The following WSCD1 variants were observed in gnomAD, a reference collection of about 807,000 sequenced individuals.
WSCD1 encodes WSC domain sialate O sulfotransferase 1.
A neutral mutation model predicts 60.4 loss-of-function variants in WSCD1; 41 were observed. The ratio of observed to expected loss-of-function variants is 0.68; its 90% CI spans 0.53 to 0.88. WSCD1 has a LOEUF of 0.88. Ranked by LOEUF, WSCD1 falls within the 40% of genes least tolerant of loss-of-function variation. The pLI, the probability that WSCD1 is intolerant of heterozygous loss-of-function variation, is 0.00. For missense variants in WSCD1, 784 were observed against 796.2 expected (o/e 0.98, Z 0.18); for synonymous variants, 361 against 332.5 (o/e 1.09, Z -0.93).
chr17:6,120,394 G>A lies in WSCD1; in HGVS notation c.1461G>A (p.Val487=). ...DWLKYGKRLL[V]VHYEELRRSL... is the part of the protein sequence containing the mutation. ...TCAAGTACGGGAAGCGGCTGCTGGTGGTGCACTACGAGGAGCTGCGGCGCA... is the reference window on the plus strand; with the variant it reads ...TCAAGTACGGGAAGCGGCTGCTGGTAGTGCACTACGAGGAGCTGCGGCGCA... Residue 487 remains valine, a synonymous_variant, in exon 9 of 9, where the codon GTG becomes GTA. Coordinates refer to ENST00000317744, the MANE Select transcript of WSCD1 (RefSeq NM_015253.2). 6.2e-7 allele frequency: 1 copy of A among 1,614,038 alleles called. No individual in the cohort carries two copies.
At chr17:6,088,305 G>C (rs1360437876) in intron 3 of WSCD1, among the ~76,000 whole-genome samples, 1 of 151,852 alleles carries the variant, frequency 6.6e-6, no homozygotes, top group African/African-American at 2.4e-5. Flanking sequence ...TGATGGCCTG[G>C]GTGCTGAGAG....
At chr17:6,105,183 T>A (rs1159630059) in intron 5 of WSCD1, among the ~76,000 whole-genome samples, 2 of 152,028 alleles carry the variant, frequency 1.3e-5, no homozygotes, top group African/African-American at 4.8e-5. Context: ...CACCCATACC[T>A]CAGCCCAGCC....
At chr17:6,086,970 G>A (rs973748087) in intron 2 of WSCD1, among the ~76,000 whole-genome samples, 19 of 152,188 alleles carry the variant, frequency 1.2e-4, no homozygotes, top group African/African-American at 3.4e-4. Flanking sequence ...GCAGTGGTGC[G>A]CTCCCCAGGT....
chr17:6,081,067 C>A lies in WSCD1; in HGVS notation c.409C>A (p.Pro137Thr). Residue 137 changes from proline (P) to threonine (T), a missense_variant, in exon 2 of 9, where the codon CCC becomes ACC. Pro to Thr is a conservative substitution (Grantham distance 38). Transcript: ENST00000317744. ...CGCCCTGGGCCCCGAGGCTGCCAGG[C>A]CCGCCATCCACAGCCGAGGTAGGCG... is the stretch of plus-strand genomic sequence containing the variant. Reference protein sequence around the residue: ...PPALGPEAARPAIHSRGTYIG... With the variant: ...PPALGPEAARTAIHSRGTYIG... 1 of 1,539,054 alleles carries A rather than the reference C, an allele frequency of 6.5e-7. No individual in the cohort carries two copies. Among genetic ancestry groups the A allele is most frequent in the Non-Finnish European group, 8.7e-7 (1 of 1,144,518 alleles).
At chr17:6,087,163 T>C (rs1567552210) in intron 2 of WSCD1, among the ~76,000 whole-genome samples, 1 of 152,220 alleles carries the variant, frequency 6.6e-6, no homozygotes, top group Non-Finnish European at 1.5e-5. Context: ...GACATTTACA[T>C]GCCTACCCGC....
chr17:6,111,824 A>C (rs529645391), intron 7 of WSCD1, among the ~76,000 whole-genome samples: 2 of 152,318 alleles, frequency 1.3e-5, no homozygotes, highest in East Asian at 3.9e-4. Context: ...GTAATTTAAA[A>C]TAATGATTTT....
At chr17:6,090,243 G>A in intron 3 of WSCD1, 78 bp from the exon 4 acceptor site, 2 of 1,386,986 alleles carry the variant, frequency 1.4e-6, no homozygotes, top group Non-Finnish European at 1.9e-6. Flanking sequence ...TCTACATCAA[G>A]CTGAAACAGT....
rs1474130753 is a variant in WSCD1, at chr17:6,123,410, G to A, written c.*2749G>A. The A allele has an allele frequency of 1.3e-5, 2 of 152,058 alleles. No individual in the cohort carries two copies. Among genetic ancestry groups the A allele is most frequent in the Non-Finnish European group, 2.9e-5 (2 of 68,018 alleles). The allele number at this position is 152,058 out of a possible 1,614,324, so 9.4% of individuals were successfully genotyped here. A position where few individuals can be genotyped will look rare whatever the true frequency, so the allele number is the denominator to read the frequency against. ...CCAGTGATGTGTAAATGAGAGAGAA[G>A]AATAGACAGGCTTCCAAACCCTGGG... On this transcript the variant is annotated 3_prime_UTR_variant, in exon 9 of 9. Coordinates refer to ENST00000317744, the MANE Select transcript of WSCD1 (RefSeq NM_015253.2).
Position 6,118,354 on chromosome 17 carries a change from TG to T in WSCD1, c.1375+169del, listed in dbSNP as rs1329063269. Among the ~76,000 whole-genome samples the T allele has an allele frequency of 6.6e-6, 1 of 152,190 alleles. No homozygotes were observed. Among genetic ancestry groups the T allele is most frequent in the Non-Finnish European group, 1.5e-5 (1 of 68,044 alleles). ...GCTAGGGACTTAGTGCTGCTGTGCC[TG>T]GGCTTGAGTTCACCTCCTCCCCTTG... On this transcript the variant is annotated intron_variant, in intron 8 of 8. Coordinates refer to ENST00000317744, the MANE Select transcript of WSCD1 (RefSeq NM_015253.2). This position sits in a 1 kb window ranked among gnomAD's most constrained non-coding sequence, Gnocchi z 5.8.
chr17:6,118,329 G>C lies in WSCD1; in HGVS notation c.1375+141G>C, dbSNP rs1319558097. Reference sequence around the variant, plus strand: ...CAGGTAGGCACTCAAACCCCATCCTGCTAGGGACTTAGTGCTGCTGTGCCT... The same window carrying C: ...CAGGTAGGCACTCAAACCCCATCCTCCTAGGGACTTAGTGCTGCTGTGCCT... On this transcript the variant is annotated intron_variant, in intron 8 of 8. Transcript: ENST00000317744. The surrounding 1 kb of genome is among the most constrained non-coding windows in gnomAD (Gnocchi z 5.8). 9 of 898,646 alleles carry C rather than the reference G, an allele frequency of 1.0e-5. No individual in the cohort carries two copies. The highest frequency in any genetic ancestry group is 1.5e-5 in the Non-Finnish European group (9 of 592,880). 55.7% of individuals were successfully genotyped at this position (898,646 alleles called of 1,614,324 possible).
At chr17:6,093,919 C>T (rs1053944352) in intron 4 of WSCD1, among the ~76,000 whole-genome samples, 15 of 152,294 alleles carry the variant, frequency 9.8e-5, no homozygotes, top group Middle Eastern at 3.4e-3. Flanking sequence ...CCTAATAGGT[C>T]GTGCCCTGAC....
At chr17:6,069,214 AC>A (rs1352693937), upstream of WSCD1, 1 of 398,652 alleles carries the variant, frequency 2.5e-6, no homozygotes, top group Admixed American at 4.4e-5. Flanking sequence ...CCGGGTGAGG[AC>A]AGGGTCCACC....
At chr17:6,120,106 A>C (rs1904565324) in intron 8 of WSCD1, among the ~76,000 whole-genome samples, 1 of 152,216 alleles carries the variant, frequency 6.6e-6, no homozygotes. Flanking sequence ...TCATCCCACC[A>C]GGATGCCCAG....
chr17:6,109,038 C>T (rs1933297997), intron 5 of WSCD1, among the ~76,000 whole-genome samples: 1 of 152,212 alleles, frequency 6.6e-6, no homozygotes, highest in South Asian at 2.1e-4. Context: ...TGGTTTTAGT[C>T]TCTTTCCAGG....
rs141183411 is a variant in WSCD1, at chr17:6,115,330, C to T, written c.1175-2658C>T. Among the ~76,000 whole-genome samples the T allele has an allele frequency of 2.9e-4, 44 of 152,312 alleles. No homozygotes were observed. In the East Asian group the frequency reaches 4.2e-3, roughly 15 times the overall value. On this transcript the variant is annotated intron_variant, in intron 7 of 8. Transcript: ENST00000317744. The stretch of plus-strand genomic sequence containing the variant: ...AGGGGTGAAACTGATTTAATCTGCT[C>T]ATTCCTTTTTTGAGGCAAGAACTAG...
At chr17:6,111,555 G>A (rs1295036157) in intron 7 of WSCD1, among the ~76,000 whole-genome samples, 2 of 152,014 alleles carry the variant, frequency 1.3e-5, no homozygotes, top group African/African-American at 4.8e-5. Context: ...ACAAAAATTA[G>A]CTGGGCGCGG....
Position 6,121,766 on chromosome 17 carries a change from C to CATGAG in WSCD1, c.*1106_*1107insTGAGA, listed in dbSNP as rs146327087. 0.71 allele frequency: 108,343 copies of CATGAG among 151,750 alleles called. 38,866 individuals are homozygous for CATGAG. Among genetic ancestry groups the CATGAG allele is most frequent in the Middle Eastern group, 0.82 (240 of 294 alleles). The allele number at this position is 151,750 out of a possible 1,614,324, so 9.4% of individuals were successfully genotyped here. On this transcript the variant is annotated 3_prime_UTR_variant, in exon 9 of 9. Transcript: ENST00000317744. ...GGGGTCATGAGAGCTAGTTAGTACT[C>CATGAG]AGCCTGACCCCTAGGTCTGGTCCTG...
chr17:6,105,697 GGC>G (rs377626001), intron 5 of WSCD1, among the ~76,000 whole-genome samples: 58 of 152,284 alleles, frequency 3.8e-4, no homozygotes, highest in African/African-American at 1.3e-3. Context: ...CACTGCTGGG[GGC>G]AGCCCATTCT....
At chr17:6,111,076 G>A in intron 7 of WSCD1, 141 bp downstream of exon 7, 1 of 788,922 alleles carries the variant, frequency 1.3e-6, no homozygotes. Flanking sequence ...TGGAGCCACT[G>A]TGTGCCATAC....
Sources: allele counts gnomAD v4.1 joint callset (sites outside exome capture counted in the v4.1 genomes callset), GRCh38; gene constraint gnomAD v4.1.1; non-coding constraint Gnocchi (gnomAD v3.1); transcripts MANE v1.5; gene names NCBI Gene and HGNC (gene_info 2026-07-23, HGNC 2026-07-21).